The following ERG variants were observed in gnomAD, a reference collection of about 807,000 sequenced individuals.
ERG encodes ETS transcription factor ERG, also known as transcriptional regulator ERG.
Under a neutral mutation model 55.3 loss-of-function variants are expected in ERG, and 9 were observed. The observed-to-expected ratio is 0.16, with a 90% CI of 0.10 to 0.28. The LOEUF (loss-of-function observed/expected upper bound fraction) is 0.28, where lower values mean the gene tolerates loss of function less well. Among genes scored for constraint, ERG ranks in the 10% least tolerant of loss-of-function variants. The pLI is 1.00. For synonymous variants in ERG, 223 were observed against 237.3 expected (o/e 0.94, Z 0.55); for missense variants, 434 against 631.6 (o/e 0.69, Z 3.35).
At chr21:38,421,584 G>A (rs954722438) in intron 3 of ERG, among the ~76,000 whole-genome samples, 17 of 152,168 alleles carry the variant, frequency 1.1e-4, no homozygotes, top group African/African-American at 3.6e-4. Context: ...ATCACACTTC[G>A]CAGATATTAA....
At chr21:38,659,510 G>A (rs1034758523) in intron 1 of ERG, among the ~76,000 whole-genome samples, 1 of 152,200 alleles carries the variant, frequency 6.6e-6, no homozygotes. Context: ...AAACTACTTG[G>A]AGAGAATGGA....
chr21:38,623,247 C>T (rs562148484), intron 1 of ERG, among the ~76,000 whole-genome samples: 1 of 150,248 alleles, frequency 6.7e-6, no homozygotes, highest in East Asian at 2.0e-4. Context: ...TGCATACACA[C>T]CACAGAGCAC....
At chr21:38,561,761 G>A (rs9979462) in intron 2 of ERG, among the ~76,000 whole-genome samples, 24,849 of 151,896 alleles carry the variant, frequency 0.16, 2,167 homozygotes, top group East Asian at 0.33. Flanking sequence ...ATTATTGTTC[G>A]TTTTTCAATA....
At chr21:38,430,233 T>C (rs796145698) in intron 2 of ERG, among the ~76,000 whole-genome samples, 39 of 152,350 alleles carry the variant, frequency 2.6e-4, no homozygotes, top group African/African-American at 8.9e-4. Context: ...AATTGTCTAT[T>C]CATGTCCTTA....
At chr21:38,467,048 C>G (rs934185575) in intron 1 of ERG, among the ~76,000 whole-genome samples, 1 of 152,112 alleles carries the variant, frequency 6.6e-6, no homozygotes, top group African/African-American at 2.4e-5. Context: ...GCTACAAATT[C>G]AAGACATGTT....
intron 1 of ERG, among the ~76,000 whole-genome samples, chr21:38,627,705 T>C (rs1282339555): frequency 6.6e-6 from 1 of 152,194 alleles, no homozygotes; most frequent in Non-Finnish European, 1.5e-5. Flanking sequence ...CTTAGCGTTC[T>C]GGTAGGAAAC....
chr21:38,634,469 T>C (rs2060376103), intron 1 of ERG, among the ~76,000 whole-genome samples: 1 of 152,178 alleles, frequency 6.6e-6, no homozygotes, highest in Admixed American at 6.5e-5. Flanking sequence ...GCATTAAGAA[T>C]GCCAAGAAGA....
At chr21:38,450,776 T>C (rs955129784) in intron 1 of ERG, 2 of 400,260 alleles carry the variant, frequency 5.0e-6, no homozygotes, top group African/African-American at 4.1e-5. Context: ...TTATCCTAGG[T>C]ATCAGGCAGC....
In ERG at chr21:38,618,558, G is replaced by C. The variant is rs145097111; in HGVS notation, c.-149-33613C>G. ...TCTCTCATTTGGCGGGGAGGTTGGG[G>C]GGGAACAACTTTAAAACAGAACTTA... On this transcript the variant is annotated intron_variant, in intron 1 of 10. Coordinates refer to the ERG transcript ENST00000398910. 6.6e-5 allele frequency among the ~76,000 whole-genome samples: 10 copies of C among 152,236 alleles called. No individual in the cohort carries two copies. In the East Asian group the frequency reaches 1.7e-3, roughly 26 times the overall value.
intron 2 of ERG, among the ~76,000 whole-genome samples, chr21:38,443,379 C>T (rs1461003351): frequency 6.6e-6 from 1 of 152,136 alleles, no homozygotes; most frequent in Non-Finnish European, 1.5e-5. Flanking sequence ...AGGTGAATTG[C>T]TCATAGGTAG....
chr21:38,373,873 T>C, the ERG span, among the ~76,000 whole-genome samples: 2 of 150,222 alleles, frequency 1.3e-5, no homozygotes, highest in African/African-American at 2.5e-5. Flanking sequence ...AAGCTCTTTG[T>C]AAACTATTTT....
At chr21:38,456,462 A>C (rs2058990486) in intron 1 of ERG, among the ~76,000 whole-genome samples, 1 of 152,240 alleles carries the variant, frequency 6.6e-6, no homozygotes, top group Admixed American at 6.5e-5. Context: ...AATAAAAAAC[A>C]CATGGCAACA....
intron 6 of ERG, among the ~76,000 whole-genome samples, chr21:38,394,762 T>C (rs2146436933): frequency 6.6e-6 from 1 of 152,272 alleles, no homozygotes; most frequent in Middle Eastern, 3.4e-3. Context: ...TGCAGATGAT[T>C]TCAGAAATGC....
intron 6 of ERG, among the ~76,000 whole-genome samples, chr21:38,399,255 G>A (rs1021776015): frequency 1.3e-5 from 2 of 152,142 alleles, no homozygotes; most frequent in African/African-American, 2.4e-5. Flanking sequence ...TTTCTCTGAC[G>A]TTAGAGAAGA....
At chr21:38,415,821 A>G (rs1286855115) in intron 3 of ERG, among the ~76,000 whole-genome samples, 3 of 152,008 alleles carry the variant, frequency 2.0e-5, no homozygotes, top group South Asian at 2.1e-4. Context: ...TTAGATCTAG[A>G]TTACTGTTAA....
intron 5 of ERG, among the ~76,000 whole-genome samples, chr21:38,400,927 T>C (rs1988460346): frequency 6.6e-6 from 1 of 152,218 alleles, no homozygotes; most frequent in African/African-American, 2.4e-5. Flanking sequence ...TCCCCCTCAA[T>C]CCCACTTCCC....
At chr21:38,585,436 T>A (rs978568440), upstream of ERG, among the ~76,000 whole-genome samples, 2 of 151,064 alleles carry the variant, frequency 1.3e-5, no homozygotes, top group African/African-American at 4.9e-5. Context: ...TTTTTTAAAA[T>A]CTTAGAACAC....
chr21:38,496,461 C>T (rs576765638), intron 1 of ERG, among the ~76,000 whole-genome samples: 37 of 152,228 alleles, frequency 2.4e-4, no homozygotes, highest in Non-Finnish European at 5.1e-4. Flanking sequence ...ATAAACAAGG[C>T]TGTAAAATCA....
intron 2 of ERG, among the ~76,000 whole-genome samples, chr21:38,508,053 A>G: frequency 3.3e-5 from 5 of 150,972 alleles, no homozygotes; most frequent in Non-Finnish European, 3.0e-5. Context: ...ACACATATAA[A>G]CACACATATA....
Sources: allele counts gnomAD v4.1 joint callset (sites outside exome capture counted in the v4.1 genomes callset), GRCh38; gene constraint gnomAD v4.1.1; transcripts MANE v1.5; gene names NCBI Gene and HGNC (gene_info 2026-07-23, HGNC 2026-07-21).